UQCC3: variants seen among roughly 807,000 people sequenced by gnomAD.
The protein encoded by UQCC3 is ubiquinol-cytochrome c reductase complex assembly factor 3.
In UQCC3, 3 loss-of-function variants were observed where a neutral mutation model predicts 3.4. The observed-to-expected ratio is 0.88, with a 90% confidence interval of 0.40 to 2.26. The LOEUF is 2.26. Among genes scored for constraint, UQCC3 ranks in the 30% most tolerant of loss-of-function variants. The pLI is 0.05. For missense variants in UQCC3, 141 were observed against 123.0 expected (o/e 1.15, Z -0.69); for synonymous variants, 57 against 57.1 (o/e 1.00, Z 0.00).
rs575863025 is a variant in UQCC3, at chr11:62,672,343, C to T, written c.*229C>T. On this transcript the variant is annotated 3_prime_UTR_variant, in exon 2 of 2. Transcript: ENST00000377953. ...CGAGACGCGAGTCGGATGTGGTGAA[C>T]TGAAAGAACCAATAAAATCATGTTC... 43 of 577,780 alleles carry T rather than the reference C, an allele frequency of 7.4e-5. No homozygotes were observed. The East Asian group carries it at 1.2e-3, about 17-fold the overall frequency. The allele number at this position is 577,780 out of a possible 1,614,324, so 35.8% of individuals were successfully genotyped here.
chr11:62,671,678 G>C lies in UQCC3; in HGVS notation c.-68G>C. 5 of 1,595,354 alleles carry C rather than the reference G, an allele frequency of 3.1e-6. No individual in the cohort carries two copies. Among genetic ancestry groups the C allele is most frequent in the Non-Finnish European group, 4.3e-6 (5 of 1,171,558 alleles). On this transcript the variant is annotated 5_prime_UTR_variant, in exon 1 of 2. Coordinates refer to ENST00000377953, the MANE Select transcript of UQCC3 (RefSeq NM_001085372.3). Reference sequence around the variant, plus strand: ...TCTAGCCTGCGCCAAGGGGTAGTGAGACCGCGCGGCAACAGCTTGCGGCTG... The same window carrying C: ...TCTAGCCTGCGCCAAGGGGTAGTGACACCGCGCGGCAACAGCTTGCGGCTG...
In UQCC3 at chr11:62,671,712, T is replaced by C; in HGVS notation, c.-34T>C. 1 of 1,608,450 alleles carries C rather than the reference T, an allele frequency of 6.2e-7. No homozygotes were observed. The highest frequency in any genetic ancestry group is 1.1e-5 in the South Asian group (1 of 90,890). On this transcript the variant is annotated 5_prime_UTR_variant, in exon 1 of 2. Transcript: ENST00000377953. ...GCAACAGCTTGCGGCTGCGGGGAGC[T>C]CCCGTGGGCGCTCCGCTGGCTGTGC...
At position 62,672,036 on chromosome 11, in the gene UQCC3, G is replaced by C. The variant is rs1944954990; in HGVS notation, c.204G>C (p.Ala68=). 1 of 1,612,280 alleles carries C rather than the reference G, an allele frequency of 6.2e-7. No homozygotes were observed. The highest frequency in any genetic ancestry group is 8.5e-7 in the Non-Finnish European group (1 of 1,179,434). The change falls in exon 2 of 2, where the codon GCG becomes GCC. Residue 68 remains alanine (A), a synonymous_variant. Transcript: ENST00000377953. ...TGCTGGCCACTCTGCAGGAGGCAGCGACCACGCAGGAGAACGTGGCCTGGA... is the reference window on the plus strand; with the variant it reads ...TGCTGGCCACTCTGCAGGAGGCAGCCACCACGCAGGAGAACGTGGCCTGGA... ...QLLLATLQEA[A]TTQENVAWRK... is the part of the protein sequence containing the mutation.
chr11:62,671,817 C>G lies in UQCC3; in HGVS notation c.72C>G (p.Leu24=). ...CAGGGGCTGGCGTGGGCTACGCGCTCCTCGTTATCGTGACCCCGGGAGAGC... is the reference window on the plus strand; with the variant it reads ...CAGGGGCTGGCGTGGGCTACGCGCTGCTCGTTATCGTGACCCCGGGAGAGC... ...LGAGAGVGYA[L]LVIVTPGERR... is the part of the protein sequence containing the mutation. The change falls in exon 1 of 2, where the codon CTC becomes CTG. Residue 24 remains leucine (L), a synonymous_variant. Coordinates refer to ENST00000377953, the MANE Select transcript of UQCC3 (RefSeq NM_001085372.3). 2 of 1,614,144 alleles carry G rather than the reference C, an allele frequency of 1.2e-6. No homozygotes were observed. Among genetic ancestry groups the G allele is most frequent in the South Asian group, 1.1e-5 (1 of 91,080 alleles).
chr11:62,672,410 T>G lies in UQCC3; in HGVS notation c.*296T>G. The G allele has an allele frequency of 2.3e-6, 1 of 440,002 alleles. No homozygotes were observed. The highest frequency in any genetic ancestry group is 4.1e-6 in the Non-Finnish European group (1 of 241,500). The allele number at this position is 440,002 out of a possible 1,614,324, so 27.3% of individuals were successfully genotyped here. A position where few individuals can be genotyped will look rare whatever the true frequency, so the allele number is the denominator to read the frequency against. On this transcript the variant is annotated 3_prime_UTR_variant, in exon 2 of 2. Transcript: ENST00000377953. ...CCCTGCAGTCGACACCTACCAATGC[T>G]TAGAGACGCGTGGTCGGTGCTGGGG...
Position 62,672,374 on chromosome 11 carries a change from C to T in UQCC3, c.*260C>T, listed in dbSNP as rs1944960155. 1.9e-6 allele frequency: 1 copy of T among 531,914 alleles called. No individual in the cohort carries two copies. Among genetic ancestry groups the T allele is most frequent in the Admixed American group, 3.3e-5 (1 of 30,476 alleles). 32.9% of individuals were successfully genotyped at this position (531,914 alleles called of 1,614,324 possible). On this transcript the variant is annotated 3_prime_UTR_variant, in exon 2 of 2. Transcript: ENST00000377953. ...GAACCAATAAAATCATGTTCCTCCA[C>T]CCAGAATGAGCCCTGCAGTCGACAC... is the stretch of plus-strand genomic sequence containing the variant.
rs10792356 is a variant in UQCC3 at position 62,673,351 on chromosome 11, C to G, written c.*1237C>G. On this transcript the variant is annotated 3_prime_UTR_variant, in exon 2 of 2. Coordinates refer to ENST00000377953, the MANE Select transcript of UQCC3 (RefSeq NM_001085372.3). ...TAAACAAGCTTAGGAGGCTGACTTACTAGTAGTAAAAGGAGTGTGCTTTGA... is the reference window on the plus strand; with the variant it reads ...TAAACAAGCTTAGGAGGCTGACTTAGTAGTAGTAAAAGGAGTGTGCTTTGA... 0.24 allele frequency: 36,683 copies of G among 152,060 alleles called. 4,795 individuals are homozygous for G. Among genetic ancestry groups the G allele is most frequent in the Non-Finnish European group, 0.3 (20,659 of 67,972 alleles). The allele number at this position is 152,060 out of a possible 1,614,324, so 9.4% of individuals were successfully genotyped here.
At position 62,672,187 on chromosome 11, in the gene UQCC3, G is replaced by C. The variant is rs1944957736; in HGVS notation, c.*73G>C. The C allele has an allele frequency of 1.4e-6, 2 of 1,452,854 alleles. No individual in the cohort carries two copies. Among genetic ancestry groups the C allele is most frequent in the Non-Finnish European group, 1.9e-6 (2 of 1,079,754 alleles). 90.0% of individuals were successfully genotyped at this position (1,452,854 alleles called of 1,614,324 possible). On this transcript the variant is annotated 3_prime_UTR_variant, in exon 2 of 2. Transcript: ENST00000377953. ...ATCCGAGGCAGCCTTTCTCCTTCGT[G>C]GGCCCAGCGGAGAGTCCGGACCGAG... is the stretch of plus-strand genomic sequence containing the variant.
rs1291057058 is a variant in UQCC3 at position 62,672,268 on chromosome 11, C to T, written c.*154C>T. 1.4e-5 allele frequency: 11 copies of T among 791,032 alleles called. No individual in the cohort carries two copies. The highest frequency in any genetic ancestry group is 2.0e-5 in the Non-Finnish European group (10 of 506,264). The allele number at this position is 791,032 out of a possible 1,614,324, so 49.0% of individuals were successfully genotyped here. A position where few individuals can be genotyped will look rare whatever the true frequency, so the allele number is the denominator to read the frequency against. Reference sequence around the variant, plus strand: ...GAGCTGCCGTCGGGTGAGCACGTTTCCCCCAAACCCTGGACTGACTGCTTT... The same window carrying T: ...GAGCTGCCGTCGGGTGAGCACGTTTTCCCCAAACCCTGGACTGACTGCTTT... On this transcript the variant is annotated 3_prime_UTR_variant, in exon 2 of 2. Coordinates refer to ENST00000377953, the MANE Select transcript of UQCC3 (RefSeq NM_001085372.3).
Position 62,673,268 on chromosome 11 carries a change from G to T in UQCC3, c.*1154G>T, listed in dbSNP as rs1189725014. On this transcript the variant is annotated 3_prime_UTR_variant, in exon 2 of 2. Coordinates refer to ENST00000377953, the MANE Select transcript of UQCC3 (RefSeq NM_001085372.3). ...CTGTCCTTGGAGCGAGATTGGAGGG[G>T]CATCTAGCACTTAACATATGCCACA... 1 of 152,144 alleles carries T rather than the reference G, an allele frequency of 6.6e-6. No individual in the cohort carries two copies. The highest frequency in any genetic ancestry group is 2.4e-5 in the African/African-American group (1 of 41,436). 9.4% of individuals were successfully genotyped at this position (152,144 alleles called of 1,614,324 possible).
In UQCC3 at chr11:62,672,220, GC is replaced by G; in HGVS notation, c.*108del. 8.4e-7 allele frequency: 1 copy of G among 1,187,786 alleles called. No homozygotes were observed. The highest frequency in any genetic ancestry group is 1.2e-6 in the Non-Finnish European group (1 of 851,814). The allele number at this position is 1,187,786 out of a possible 1,614,324, so 73.6% of individuals were successfully genotyped here. A position where few individuals can be genotyped will look rare whatever the true frequency, so the allele number is the denominator to read the frequency against. On this transcript the variant is annotated 3_prime_UTR_variant, in exon 2 of 2. Coordinates refer to ENST00000377953, the MANE Select transcript of UQCC3 (RefSeq NM_001085372.3). ...CGGAGAGTCCGGACCGAGATACCAT[GC>G]CAGGACTCTCCGGGGTCCTGTGAGC...
chr11:62,672,082 G>A lies in UQCC3; in HGVS notation c.250G>A (p.Gly84Ser), dbSNP rs55638384. 2.5e-6 allele frequency: 4 copies of A among 1,598,798 alleles called. No homozygotes were observed. The highest frequency in any genetic ancestry group is 3.4e-6 in the Non-Finnish European group (4 of 1,173,170). ...VAWRKNWMVG[G>S]EGGAGGRSP is the part of the protein sequence containing the mutation. Reference sequence around the variant, plus strand: ...CTGGAGGAAGAACTGGATGGTTGGCGGCGAAGGCGGCGCCGGCGGGAGGTC... The same window carrying A: ...CTGGAGGAAGAACTGGATGGTTGGCAGCGAAGGCGGCGCCGGCGGGAGGTC... The change falls in exon 2 of 2, where the codon GGC becomes AGC. Residue 84 changes from glycine to serine, a missense_variant. Gly to Ser is a moderately conservative substitution (Grantham distance 56, BLOSUM62 0). Coordinates refer to ENST00000377953, the MANE Select transcript of UQCC3 (RefSeq NM_001085372.3).
Position 62,671,825 on chromosome 11 carries a change from T to C in UQCC3, c.80T>C (p.Ile27Thr). 6.2e-7 allele frequency: 1 copy of C among 1,614,148 alleles called. No homozygotes were observed. The highest frequency in any genetic ancestry group is 8.5e-7 in the Non-Finnish European group (1 of 1,180,032). Residue 27 changes from isoleucine to threonine, a missense_variant, in exon 1 of 2, where the codon ATC (isoleucine) becomes ACC (threonine). Physicochemically the swap from Ile to Thr is moderately conservative, Grantham distance 89. Transcript: ENST00000377953. ...GGCGTGGGCTACGCGCTCCTCGTTATCGTGACCCCGGGAGAGCGGCGGAAG... is the reference window on the plus strand; with the variant it reads ...GGCGTGGGCTACGCGCTCCTCGTTACCGTGACCCCGGGAGAGCGGCGGAAG... Reference protein sequence around the residue: ...GAGVGYALLVIVTPGERRKQE... With the variant: ...GAGVGYALLVTVTPGERRKQE...
chr11:62,672,335 G>A lies in UQCC3; in HGVS notation c.*221G>A. The A allele has an allele frequency of 3.4e-6, 2 of 585,876 alleles. No individual in the cohort carries two copies. Among genetic ancestry groups the A allele is most frequent in the South Asian group, 4.0e-5 (2 of 49,854 alleles). 36.3% of individuals were successfully genotyped at this position (585,876 alleles called of 1,614,324 possible). On this transcript the variant is annotated 3_prime_UTR_variant, in exon 2 of 2. Transcript: ENST00000377953. ...GCCAGGGCCGAGACGCGAGTCGGAT[G>A]TGGTGAACTGAAAGAACCAATAAAA... is the stretch of plus-strand genomic sequence containing the variant.
rs1056798898 is a variant in UQCC3, at chr11:62,672,817, CTTTTT to C, written c.*707_*711del. ...TCGCCCTGCCGCGGCCACATTTTTT[CTTTTT>C]TTTGAGATGGAGTCTTGCTCTTGTC... On this transcript the variant is annotated 3_prime_UTR_variant, in exon 2 of 2. Coordinates refer to ENST00000377953, the MANE Select transcript of UQCC3 (RefSeq NM_001085372.3). The C allele has an allele frequency of 6.8e-6, 1 of 146,780 alleles. No homozygotes were observed. Among genetic ancestry groups the C allele is most frequent in the Non-Finnish European group, 1.5e-5 (1 of 66,596 alleles). The allele number at this position is 146,780 out of a possible 1,614,324, so 9.1% of individuals were successfully genotyped here. A position where few individuals can be genotyped will look rare whatever the true frequency, so the allele number is the denominator to read the frequency against.
At position 62,672,507 on chromosome 11, in the gene UQCC3, T is replaced by C; in HGVS notation, c.*393T>C. On this transcript the variant is annotated 3_prime_UTR_variant, in exon 2 of 2. Coordinates refer to ENST00000377953, the MANE Select transcript of UQCC3 (RefSeq NM_001085372.3). ...ATCCCGATAGGTATCTGACCACATT[T>C]TTTTTTTTTTTTTTTTTTTGAGACG... is the stretch of plus-strand genomic sequence containing the variant. The C allele has an allele frequency of 1.5e-5, 1 of 66,448 alleles. No homozygotes were observed. Among genetic ancestry groups the C allele is most frequent in the Non-Finnish European group, 4.4e-5 (1 of 22,614 alleles). 4.1% of individuals were successfully genotyped at this position (66,448 alleles called of 1,614,324 possible).
At position 62,673,685 on chromosome 11, in the gene UQCC3, G is replaced by A. The variant is rs79414868; in HGVS notation, c.*1571G>A. On this transcript the variant is annotated 3_prime_UTR_variant, in exon 2 of 2. Transcript: ENST00000377953. ...CAAATAAAGCTTTTTTTTTTTTTTT[G>A]AGACAGAATTTCTGTGTTGTTGCCC... is the stretch of plus-strand genomic sequence containing the variant. 4 of 63,598 alleles carry A rather than the reference G, an allele frequency of 6.3e-5. No individual in the cohort carries two copies. The highest frequency in any genetic ancestry group is 1.0e-4 in the Non-Finnish European group (3 of 29,932). 3.9% of individuals were successfully genotyped at this position (63,598 alleles called of 1,614,324 possible).
At position 62,671,706 on chromosome 11, in the gene UQCC3, G is replaced by A. The variant is rs749994924; in HGVS notation, c.-40G>A. ...CGCGCGGCAACAGCTTGCGGCTGCG[G>A]GGAGCTCCCGTGGGCGCTCCGCTGG... On this transcript the variant is annotated 5_prime_UTR_variant, in exon 1 of 2. Coordinates refer to ENST00000377953, the MANE Select transcript of UQCC3 (RefSeq NM_001085372.3). 3 of 1,606,834 alleles carry A rather than the reference G, an allele frequency of 1.9e-6. No individual in the cohort carries two copies. In the East Asian group the frequency reaches 6.7e-5, roughly 36 times the overall value.
In UQCC3 at chr11:62,671,870, A is replaced by C. The variant is rs1179062144; in HGVS notation, c.120+5A>C. On this transcript the variant is annotated splice_donor_5th_base_variant and intron_variant, in intron 1 of 1. Coordinates refer to ENST00000377953, the MANE Select transcript of UQCC3 (RefSeq NM_001085372.3). Reference sequence around the variant, plus strand: ...CGGAAGCAGGAAATGCTAAAGGTAGAAGCAACTGGTAGTCCCGAGGAAGGG... The same window carrying C: ...CGGAAGCAGGAAATGCTAAAGGTAGCAGCAACTGGTAGTCCCGAGGAAGGG... 6.2e-7 allele frequency: 1 copy of C among 1,613,902 alleles called. No homozygotes were observed. The highest frequency in any genetic ancestry group is 1.1e-5 in the South Asian group (1 of 91,088).
Sources: allele counts gnomAD v4.1 joint callset, GRCh38; gene constraint gnomAD v4.1.1; transcripts MANE v1.5; gene names NCBI Gene and HGNC (gene_info 2026-07-23, HGNC 2026-07-21).